TENM3: variants seen among roughly 807,000 people sequenced by gnomAD.
TENM3 encodes the protein teneurin transmembrane protein 3, also known as teneurin-3.
A neutral mutation model predicts 255.1 loss-of-function variants in TENM3; 63 were observed. The observed-to-expected ratio is 0.25, with a 90% CI of 0.20 to 0.30. TENM3 has a LOEUF of 0.30. Ranked by LOEUF, TENM3 falls within the 10% of genes least tolerant of loss-of-function variation. The probability of loss-of-function intolerance (pLI) is 1.00; values close to 1 mark genes in which losing one functional copy is unlikely to be tolerated. For synonymous variants in TENM3, 1,306 were observed against 1,322.3 expected, an observed-to-expected ratio of 0.99 and a Z score of 0.27; for missense variants, 2,929 against 3,461.1, an observed-to-expected ratio of 0.85 and a Z score of 3.86.
intron 1 of TENM3, among the ~76,000 whole-genome samples, chr4:182,232,090 T>A (rs1300412921): frequency 6.6e-6 from 1 of 152,234 alleles, no homozygotes; most frequent in African/African-American, 2.4e-5. Context: ...TGTTTTGTTT[T>A]ATCTTGTTTT....
chr4:181,865,086 C>T, the TENM3 span, among the ~76,000 whole-genome samples: 9 of 152,182 alleles, frequency 5.9e-5, no homozygotes, highest in Non-Finnish European at 1.3e-4. Flanking sequence ...CTGGAGTTGA[C>T]TTACAAGCAT....
At chr4:182,672,845 T>A (rs902102759) in intron 6 of TENM3, among the ~76,000 whole-genome samples, 160 bp from the exon 7 acceptor site, 2 of 152,226 alleles carry the variant, frequency 1.3e-5, no homozygotes, top group African/African-American at 4.8e-5. Context: ...TATCTAATAG[T>A]AGAAGCTTTT....
intron 1 of TENM3, among the ~76,000 whole-genome samples, chr4:182,296,089 G>A (rs1187704908): frequency 2.0e-5 from 3 of 152,004 alleles, no homozygotes; most frequent in Non-Finnish European, 2.9e-5. Context: ...TCAGCCTCCC[G>A]AGTAGCTGGG....
intron 3 of TENM3, among the ~76,000 whole-genome samples, chr4:182,551,429 A>G (rs4428328): frequency 0.51 from 78,107 of 151,736 alleles, 20,612 homozygotes; most frequent in East Asian, 0.58. Flanking sequence ...AACTATGTAA[A>G]CTATGTGAAG....
At chr4:182,586,371 C>A (rs1446476061) in intron 3 of TENM3, among the ~76,000 whole-genome samples, 1 of 152,186 alleles carries the variant, frequency 6.6e-6, no homozygotes, top group African/African-American at 2.4e-5. Context: ...CGTGATCTTA[C>A]TTCGATGTTG....
intron 7 of TENM3, among the ~76,000 whole-genome samples, chr4:182,676,937 G>A (rs1424148302): frequency 1.3e-5 from 2 of 152,140 alleles, no homozygotes; most frequent in Non-Finnish European, 2.9e-5. Context: ...TAGTGCAATT[G>A]AAGAGTTAGC....
At chr4:181,764,630 G>C in the TENM3 span, among the ~76,000 whole-genome samples, 1 of 152,208 alleles carries the variant, frequency 6.6e-6, no homozygotes, top group African/African-American at 2.4e-5. Flanking sequence ...TAGTGCTTTC[G>C]TATTTGTTTA....
intron 14 of TENM3, among the ~76,000 whole-genome samples, chr4:182,729,997 A>G (rs1760561433): frequency 6.6e-6 from 1 of 152,240 alleles, no homozygotes; most frequent in South Asian, 2.1e-4. Flanking sequence ...AACCCAGGAT[A>G]AACACAAGCC....
intron 3 of TENM3, among the ~76,000 whole-genome samples, chr4:182,469,682 C>T (rs146862211): frequency 0.023 from 3,467 of 151,072 alleles, 133 homozygotes; most frequent in African/African-American, 0.078. Context: ...CCACTGCACT[C>T]CAGCTTGGGC....
chr4:181,605,488 AAG>A, the TENM3 span, among the ~76,000 whole-genome samples: 4 of 8,166 alleles, frequency 4.9e-4, no homozygotes, highest in South Asian at 4.8e-3. Context: ...CAGAGAAAGA[AAG>A]AAAGAAAGAA....
intron 3 of TENM3, among the ~76,000 whole-genome samples, chr4:182,586,946 ATTTG>A (rs1332482591): frequency 1.3e-5 from 2 of 152,212 alleles, no homozygotes; most frequent in Admixed American, 6.5e-5. Context: ...CTCTTCAATT[ATTTG>A]TTTTTCCTAT....
chr4:182,349,326 T>C (rs1340601954), intron 3 of TENM3, among the ~76,000 whole-genome samples: 1 of 152,232 alleles, frequency 6.6e-6, no homozygotes. Flanking sequence ...TAATGAATAC[T>C]GGCTATTGCA....
intron 2 of TENM3, among the ~76,000 whole-genome samples, chr4:182,333,665 A>T (rs1763920796): frequency 6.6e-6 from 1 of 152,228 alleles, no homozygotes; most frequent in Non-Finnish European, 1.5e-5. Context: ...AAATAGGAAC[A>T]TAAGAAAGGT....
the TENM3 span, among the ~76,000 whole-genome samples, chr4:181,500,189 C>T: frequency 1.3e-4 from 19 of 151,840 alleles, no homozygotes; most frequent in South Asian, 6.2e-4. Flanking sequence ...TCACCATGCC[C>T]GGCTAATTTT....
chr4:182,154,465 A>G (rs1750564172), intron 1 of TENM3, among the ~76,000 whole-genome samples: 2 of 152,132 alleles, frequency 1.3e-5, no homozygotes, highest in South Asian at 4.1e-4. Flanking sequence ...TTCTTTCCTA[A>G]ATCTAATATT....
At chr4:182,796,159 T>C (rs1228816772) in intron 26 of TENM3, among the ~76,000 whole-genome samples, 3 of 152,252 alleles carry the variant, frequency 2.0e-5, no homozygotes, top group Non-Finnish European at 4.4e-5. Flanking sequence ...ATTTTAATAC[T>C]CTCAATTTAG....
the TENM3 span, among the ~76,000 whole-genome samples, chr4:181,861,669 T>C: frequency 2.6e-5 from 4 of 152,170 alleles, no homozygotes; most frequent in Admixed American, 6.5e-5. Flanking sequence ...AGTAAATTTA[T>C]TGATAGCATT....
chr4:181,769,706 A>AT, the TENM3 span, among the ~76,000 whole-genome samples: 1 of 152,004 alleles, frequency 6.6e-6, no homozygotes. Flanking sequence ...GATTTGTGGA[A>AT]TTTTTTTGCC....
chr4:182,534,168 A>G (rs954850257), intron 3 of TENM3, among the ~76,000 whole-genome samples: 20 of 152,308 alleles, frequency 1.3e-4, no homozygotes, highest in Middle Eastern at 6.8e-3. Flanking sequence ...GTACAATACC[A>G]TTGCAGCTGT....
Sources: allele counts gnomAD v4.1 joint callset (sites outside exome capture counted in the v4.1 genomes callset), GRCh38; gene constraint gnomAD v4.1.1; transcripts MANE v1.5; gene names NCBI Gene and HGNC (gene_info 2026-07-23, HGNC 2026-07-21).